LRRC20: variants seen among roughly 807,000 people sequenced by gnomAD.
LRRC20 encodes leucine-rich repeat-containing protein 20.
In LRRC20, 11 loss-of-function variants were observed where a neutral mutation model predicts 14.4. That is an observed-to-expected ratio of 0.77 (90% CI 0.48 to 1.27). The LOEUF (loss-of-function observed/expected upper bound fraction) is 1.27. LRRC20 is among the 50% of genes most tolerant of loss of function. The pLI, the probability that LRRC20 is intolerant of heterozygous loss-of-function variation, is 0.00. For synonymous variants in LRRC20, 121 were observed against 107.3 expected, an observed-to-expected ratio of 1.13 and a Z score of -0.79; for missense variants, 219 against 251.2, an observed-to-expected ratio of 0.87 and a Z score of 0.87.
At position 70,301,177 on chromosome 10, in the gene LRRC20, C is replaced by G. The variant is rs1841163305; in HGVS notation, c.*177G>C. On this transcript the variant is annotated 3_prime_UTR_variant, in exon 5 of 5. Transcript: ENST00000446961. ...CACCTTGCCTCTTCCCTTGGGCATT[C>G]CAGAGCCCACTACTGCTGTAAGCTA... 7.2e-7 allele frequency: 1 copy of G among 1,397,066 alleles called. No individual in the cohort carries two copies. The highest frequency in any genetic ancestry group is 1.5e-5 in the African/African-American group (1 of 68,494). The allele number at this position is 1,397,066 out of a possible 1,614,324, so 86.5% of individuals were successfully genotyped here. A position where few individuals can be genotyped will look rare whatever the true frequency, so the allele number is the denominator to read the frequency against.
In LRRC20 at chr10:70,300,534, T is replaced by C. The variant is rs917411821; in HGVS notation, c.*820A>G. 1 of 985,382 alleles carries C rather than the reference T, an allele frequency of 1.0e-6. No homozygotes were observed. Among genetic ancestry groups the C allele is most frequent in the African/African-American group, 1.7e-5 (1 of 57,208 alleles). 61.0% of individuals were successfully genotyped at this position (985,382 alleles called of 1,614,324 possible). ...GTGGTGAGGGTGGCCATCTAATCAC[T>C]TTAGACAAGAGCTGCAGGTGTAACT... On this transcript the variant is annotated 3_prime_UTR_variant, in exon 5 of 5. Transcript: ENST00000446961.
chr10:70,330,968 C>T (rs1842514196), intron 3 of LRRC20, among the ~76,000 whole-genome samples: 2 of 152,248 alleles, frequency 1.3e-5, no homozygotes, highest in Non-Finnish European at 2.9e-5. Flanking sequence ...CCCGGGGACC[C>T]TGAACTGAGG....
chr10:70,317,609 C>A (rs12220024), intron 4 of LRRC20, among the ~76,000 whole-genome samples: 5,501 of 152,262 alleles, frequency 0.036, 155 homozygotes, highest in East Asian at 0.095. Flanking sequence ...GAACTCCCAG[C>A]CTCAAGCGAT....
chr10:70,371,205 T>C (rs1330796265), intron 2 of LRRC20, among the ~76,000 whole-genome samples: 7 of 151,982 alleles, frequency 4.6e-5, no homozygotes, highest in Non-Finnish European at 8.8e-5. Flanking sequence ...GGCCCGATCA[T>C]GGCTCACCGC....
chr10:70,315,537 A>T (rs1841820185), intron 4 of LRRC20, among the ~76,000 whole-genome samples: 1 of 152,228 alleles, frequency 6.6e-6, no homozygotes, highest in African/African-American at 2.4e-5. Flanking sequence ...ACTGTTTACA[A>T]ATTGATTCAC....
At chr10:70,314,589 C>G (rs548284409) in intron 4 of LRRC20, among the ~76,000 whole-genome samples, 1 of 152,280 alleles carries the variant, frequency 6.6e-6, no homozygotes, top group Non-Finnish European at 1.5e-5. Flanking sequence ...ATCCCACCAT[C>G]AGAGACTCTG....
intron 2 of LRRC20, among the ~76,000 whole-genome samples, chr10:70,346,753 T>C (rs977796885): frequency 1.3e-5 from 2 of 152,266 alleles, no homozygotes; most frequent in African/African-American, 4.8e-5. Context: ...AATTTGTTAC[T>C]AAATTATAGT....
intron 2 of LRRC20, among the ~76,000 whole-genome samples, chr10:70,360,050 G>A (rs528927581): frequency 2.0e-5 from 3 of 151,484 alleles, no homozygotes; most frequent in Admixed American, 6.6e-5. Context: ...CGAGTAGCTG[G>A]GATTACAGGT....
At chr10:70,340,486 G>C (rs1842872069) in intron 3 of LRRC20, 67 bp downstream of exon 3, 7 of 1,592,186 alleles carry the variant, frequency 4.4e-6, no homozygotes, top group Non-Finnish European at 6.0e-6. Context: ...GCACTCCCCA[G>C]ACAGGGTCAG....
At chr10:70,350,782 G>A (rs1356415967) in intron 2 of LRRC20, among the ~76,000 whole-genome samples, 1 of 152,206 alleles carries the variant, frequency 6.6e-6, no homozygotes, top group Admixed American at 6.5e-5. Flanking sequence ...GGCTACTGGA[G>A]GAACTCTGTG....
chr10:70,314,564 A>T (rs1426524288), intron 4 of LRRC20, among the ~76,000 whole-genome samples: 1 of 152,214 alleles, frequency 6.6e-6, no homozygotes, highest in Non-Finnish European at 1.5e-5. Context: ...AGCTTTAAAA[A>T]ATCATGAAGC....
At chr10:70,328,297 T>A (rs1419686917) in intron 3 of LRRC20, among the ~76,000 whole-genome samples, 4 of 138,016 alleles carry the variant, frequency 2.9e-5, no homozygotes, top group Admixed American at 2.1e-4. Context: ...GTTTTTTGTT[T>A]TTTGGCGTTT....
chr10:70,348,313 G>T (rs1843155381), intron 2 of LRRC20, among the ~76,000 whole-genome samples: 1 of 152,184 alleles, frequency 6.6e-6, no homozygotes, highest in African/African-American at 2.4e-5. Context: ...AGAGGTCCAT[G>T]ATCTCCAGAA....
chr10:70,305,430 A>G (rs1841384040), intron 4 of LRRC20, among the ~76,000 whole-genome samples: 1 of 152,182 alleles, frequency 6.6e-6, no homozygotes, highest in Admixed American at 6.5e-5. Flanking sequence ...ACATTTCAAG[A>G]ACCCCCAAAA....
chr10:70,315,220 G>C (rs1841811275), intron 4 of LRRC20, among the ~76,000 whole-genome samples: 1 of 152,200 alleles, frequency 6.6e-6, no homozygotes, highest in African/African-American at 2.4e-5. Flanking sequence ...AGAGCAGGGA[G>C]TGTGTTTGTT....
At position 70,304,470 on chromosome 10, in the gene LRRC20, T is replaced by TTTTATATATATATATATA. The variant is rs1841329290; in HGVS notation, c.401-2963_401-2962insTATATATATATATATAAA. On this transcript the variant is annotated intron_variant, in intron 4 of 4. Transcript: ENST00000446961. Reference sequence around the variant, plus strand: ...GCTATATAGATATCAGGCCACTTCTTTATATATATATATATATATATATAT... The same window carrying TTTTATATATATATATATA: ...GCTATATAGATATCAGGCCACTTCTTTTTATATATATATATATATATATATATATATATATATATATAT... Among the ~76,000 whole-genome samples, 10 of 113,824 alleles carry TTTTATATATATATATATA rather than the reference T, an allele frequency of 8.8e-5. No homozygotes were observed. In the South Asian group the frequency reaches 2.5e-3, roughly 29 times the overall value. The allele number at this position is 113,824 out of a possible 152,430, so 74.7% of individuals were successfully genotyped here.
At chr10:70,357,712 A>G (rs1843582235) in intron 2 of LRRC20, among the ~76,000 whole-genome samples, 1 of 152,250 alleles carries the variant, frequency 6.6e-6, no homozygotes, top group African/African-American at 2.4e-5. Flanking sequence ...ATATTCAATT[A>G]AAATCAAAAG....
intron 3 of LRRC20, among the ~76,000 whole-genome samples, chr10:70,339,909 TCAGGAGTTTGA>T (rs1371394434): frequency 6.6e-6 from 1 of 151,530 alleles, no homozygotes; most frequent in African/African-American, 2.4e-5. Flanking sequence ...TCACCTGAGG[TCAGGAGTTTGA>T]GACCAGCTTG....
At position 70,340,646 on chromosome 10, in the gene LRRC20, T is replaced by C; in HGVS notation, c.139A>G (p.Asn47Asp). 1 of 1,614,156 alleles carries C rather than the reference T, an allele frequency of 6.2e-7. No homozygotes were observed. The highest frequency in any genetic ancestry group is 8.5e-7 in the Non-Finnish European group (1 of 1,180,032). The change falls in exon 3 of 5, where the codon AAT becomes GAT. Residue 47 changes from asparagine to aspartate, a missense_variant. Coordinates refer to ENST00000446961, the MANE Select transcript of LRRC20 (RefSeq NM_001278212.2). The part of the protein sequence containing the change: ...FPIGIYKVLR[N>D]VSGQIHLITL... ...ATGAGGTGGATCTGGCCAGAGACAT[T>C]CCGCAGGACCTTGTAGATGCCAATG... is the stretch of plus-strand genomic sequence containing the variant.
Sources: allele counts gnomAD v4.1 joint callset (sites outside exome capture counted in the v4.1 genomes callset), GRCh38; gene constraint gnomAD v4.1.1; transcripts MANE v1.5; gene names NCBI Gene and HGNC (gene_info 2026-07-23, HGNC 2026-07-21).